DAB1: variants seen among roughly 807,000 people sequenced by gnomAD.
DAB1 encodes DAB adaptor protein 1.
Under a neutral mutation model 64.6 loss-of-function variants are expected in DAB1, and 15 were observed. The ratio of observed to expected loss-of-function variants is 0.23; its 90% CI spans 0.16 to 0.36. The LOEUF (loss-of-function observed/expected upper bound fraction) is 0.36. Among genes scored for constraint, DAB1 ranks in the 10% least tolerant of loss-of-function variants. The pLI is 1.00. For synonymous variants in DAB1, 235 were observed against 251.9 expected (o/e 0.93, Z 0.64); for missense variants, 596 against 706.7 (o/e 0.84, Z 1.78).
chr1:57,601,830 G>T (rs1056951710), intron 7 of DAB1, among the ~76,000 whole-genome samples: 2 of 152,164 alleles, frequency 1.3e-5, no homozygotes, highest in African/African-American at 4.8e-5. Context: ...TTTTGTGTGT[G>T]TGTGTGTGTA....
At chr1:58,153,856 G>A (rs1023829056) in intron 4 of DAB1, among the ~76,000 whole-genome samples, 19 of 147,866 alleles carry the variant, frequency 1.3e-4, no homozygotes, top group Admixed American at 1.2e-3. Context: ...TTCTCATCTA[G>A]TGTGCTGAGG....
At chr1:57,083,183 G>C (rs1373006685) in intron 4 of DAB1, among the ~76,000 whole-genome samples, 1 of 151,978 alleles carries the variant, frequency 6.6e-6, no homozygotes, top group Non-Finnish European at 1.5e-5. Context: ...CTTTACTATG[G>C]AGGTACCTGA....
chr1:57,381,571 G>A (rs933895196), intron 1 of DAB1, among the ~76,000 whole-genome samples: 1 of 152,028 alleles, frequency 6.6e-6, no homozygotes, highest in African/African-American at 2.4e-5. Flanking sequence ...TTTTGTTCAG[G>A]TCCGGGAAGC....
At chr1:57,165,192 C>G (rs1347677727) in intron 2 of DAB1, among the ~76,000 whole-genome samples, 2 of 152,164 alleles carry the variant, frequency 1.3e-5, no homozygotes, top group East Asian at 3.9e-4. Context: ...TATGTAACAG[C>G]CAATTATCTC....
At chr1:57,581,878 C>T (rs1469791021) in intron 7 of DAB1, among the ~76,000 whole-genome samples, 1 of 152,148 alleles carries the variant, frequency 6.6e-6, no homozygotes, top group Admixed American at 6.5e-5. Context: ...GCCTGAGCTG[C>T]TATAACAACA....
Position 57,149,402 on chromosome 1 carries a change from A to T in DAB1, c.68-3973T>A, listed in dbSNP as rs1659451299. The stretch of plus-strand genomic sequence containing the variant: ...ATATTTAACTTTTTGGAGAACTGTC[A>T]ATTTGTTTTTCCAAAGTGTCTGCAC... On this transcript the variant is annotated intron_variant, in intron 2 of 14. Transcript: ENST00000371236. 3.3e-5 allele frequency among the ~76,000 whole-genome samples: 5 copies of T among 152,132 alleles called. No homozygotes were observed. The South Asian group carries it at 1.0e-3, about 32-fold the overall frequency.
intron 5 of DAB1, among the ~76,000 whole-genome samples, chr1:57,957,126 T>C (rs1645410234): frequency 6.6e-6 from 1 of 152,212 alleles, no homozygotes; most frequent in Non-Finnish European, 1.5e-5. Context: ...TTAATAGGCT[T>C]GTTCAGGAAA....
intron 5 of DAB1, among the ~76,000 whole-genome samples, chr1:58,126,967 T>C (rs1435215929): frequency 2.0e-5 from 3 of 148,954 alleles, no homozygotes; most frequent in Non-Finnish European, 3.0e-5. Flanking sequence ...CATTTGGGTA[T>C]ATACCCAGTA....
chr1:58,522,327 A>C (rs1646277910), intron 2 of DAB1, among the ~76,000 whole-genome samples: 1 of 152,202 alleles, frequency 6.6e-6, no homozygotes, highest in Non-Finnish European at 1.5e-5. Context: ...TTAAAGTTGA[A>C]GAAAAAGTGC....
At chr1:57,872,926 T>C (rs1643977788) in intron 1 of DAB1, among the ~76,000 whole-genome samples, 1 of 152,142 alleles carries the variant, frequency 6.6e-6, no homozygotes, top group Non-Finnish European at 1.5e-5. Context: ...GCCTGGATAG[T>C]TTCCAATGAG....
chr1:57,439,491 T>G (rs1377579497), intron 7 of DAB1, among the ~76,000 whole-genome samples: 16 of 145,096 alleles, frequency 1.1e-4, no homozygotes, highest in Non-Finnish European at 2.2e-4. Flanking sequence ...TGCAGTGGCG[T>G]GATCTAGGCT....
At chr1:58,404,700 T>C (rs1644600088) in intron 3 of DAB1, among the ~76,000 whole-genome samples, 1 of 152,152 alleles carries the variant, frequency 6.6e-6, no homozygotes, top group African/African-American at 2.4e-5. Context: ...AGGATCTAGG[T>C]TCAAATGGTG....
At chr1:57,826,519 G>T (rs1177263453) in intron 1 of DAB1, 3 of 152,336 alleles carry the variant, frequency 2.0e-5, no homozygotes, top group African/African-American at 7.2e-5. Context: ...GGTATGCAGA[G>T]ATAGTGGGGA....
chr1:57,452,164 C>T (rs1039290674), intron 7 of DAB1, among the ~76,000 whole-genome samples: 2 of 96,430 alleles, frequency 2.1e-5, no homozygotes, highest in Non-Finnish European at 2.1e-5. Context: ...TCTGCACCCC[C>T]CCTTTTTTTT....
At chr1:57,020,904 A>G (rs572903882) in intron 11 of DAB1, among the ~76,000 whole-genome samples, 1 of 152,324 alleles carries the variant, frequency 6.6e-6, no homozygotes, top group East Asian at 1.9e-4. Context: ...ATCAGGATCC[A>G]AACCTGGCCC....
At chr1:58,254,041 T>C (rs1293138431) in intron 4 of DAB1, among the ~76,000 whole-genome samples, 1 of 151,838 alleles carries the variant, frequency 6.6e-6, no homozygotes, top group African/African-American at 2.4e-5. Flanking sequence ...AAACAACAAA[T>C]CCCAAGCCCT....
intron 3 of DAB1, among the ~76,000 whole-genome samples, chr1:58,471,089 T>C (rs935986685): frequency 1.3e-5 from 2 of 152,204 alleles, no homozygotes; most frequent in African/African-American, 2.4e-5. Context: ...ACCCAATTAA[T>C]GGTGGCATAA....
chr1:58,165,357 T>C (rs1187395245), intron 4 of DAB1, among the ~76,000 whole-genome samples: 3 of 152,126 alleles, frequency 2.0e-5, no homozygotes, highest in African/African-American at 7.2e-5. Context: ...TCCTTCCCAT[T>C]AGTCACCTCT....
intron 4 of DAB1, among the ~76,000 whole-genome samples, chr1:58,181,305 C>T (rs754331578): frequency 9.9e-5 from 15 of 151,902 alleles, no homozygotes; most frequent in Non-Finnish European, 1.5e-4. Flanking sequence ...TATCTTTTTC[C>T]ATTATTTTAC....
Sources: allele counts gnomAD v4.1 joint callset (sites outside exome capture counted in the v4.1 genomes callset), GRCh38; gene constraint gnomAD v4.1.1; transcripts MANE v1.5; gene names NCBI Gene and HGNC (gene_info 2026-07-23, HGNC 2026-07-21).